The following VPS13C variants were observed in gnomAD, a reference collection of about 807,000 sequenced individuals.
VPS13C encodes vacuolar protein sorting 13 homolog C, also known as intermembrane lipid transfer protein VPS13C.
Under a neutral mutation model 456.8 loss-of-function variants are expected in VPS13C, and 358 were observed. That is an observed-to-expected ratio of 0.78 (90% CI 0.72 to 0.86). The LOEUF is 0.86. Among genes scored for constraint, VPS13C ranks in the 40% least tolerant of loss-of-function variants. The pLI, the probability that VPS13C is intolerant of heterozygous loss-of-function variation, is 0.00. For synonymous variants in VPS13C, 1,578 were observed against 1,486.7 expected (o/e 1.06, Z -1.41); for missense variants, 4,818 against 4,385.4 (o/e 1.10, Z -2.79).
intron 8 of VPS13C, among the ~76,000 whole-genome samples, chr15:62,021,212 T>C (rs1240158477): frequency 6.6e-6 from 1 of 151,832 alleles, no homozygotes; most frequent in Non-Finnish European, 1.5e-5. Flanking sequence ...TTATGGGTGA[T>C]GGAGACACTA....
intron 52 of VPS13C, among the ~76,000 whole-genome samples, chr15:61,926,303 G>A (rs1420272797): frequency 6.6e-6 from 1 of 152,210 alleles, no homozygotes; most frequent in East Asian, 1.9e-4. Context: ...AGGAGGCTGA[G>A]GCAGAAGGAT....
In VPS13C at chr15:62,023,766, C is replaced by G; in HGVS notation, c.514+14G>C. ...GTATAAACAACACCATGGCATAAAA[C>G]TACTTTTACCTACCTTTTGAACGAT... is the stretch of plus-strand genomic sequence containing the variant. On this transcript the variant is annotated intron_variant, in intron 7 of 84. Transcript: ENST00000644861. The G allele has an allele frequency of 6.2e-7, 1 of 1,604,988 alleles. No homozygotes were observed. Among genetic ancestry groups the G allele is most frequent in the Non-Finnish European group, 8.5e-7 (1 of 1,174,248 alleles).
Position 61,969,431 on chromosome 15 carries a change from G to T in VPS13C, c.2779C>A (p.Gln927Lys), listed in dbSNP as rs767990486. 1.3e-6 allele frequency: 2 copies of T among 1,547,350 alleles called. No individual in the cohort carries two copies. The highest frequency in any genetic ancestry group is 1.7e-6 in the Non-Finnish European group (2 of 1,144,944). ...IKEVILEFTK[Q>K]QKEEDTILVF... ...AGAATTGTATCTTCTTCTTTCTGCT[G>T]TTTAGTAAATTCCAAAATCACCTAA... The change falls in exon 28 of 85, where the codon CAG becomes AAG. Residue 927 changes from glutamine to lysine, a missense_variant. Physicochemically the swap from Gln to Lys is moderately conservative, Grantham distance 53. This residue lies in a region of VPS13C where 4,552 missense variants were observed against 4,130.6 expected (regional missense o/e 1.10). Coordinates refer to ENST00000644861, the MANE Select transcript of VPS13C (RefSeq NM_020821.3).
chr15:61,925,189 CCCA>C (rs1337285932), intron 53 of VPS13C, among the ~76,000 whole-genome samples: 1 of 151,866 alleles, frequency 6.6e-6, no homozygotes, highest in Non-Finnish European at 1.5e-5. Context: ...CAACTCAACC[CCCA>C]CAACACACGC....
chr15:61,973,526 A>G lies in VPS13C; in HGVS notation c.2545T>C (p.Ser849Pro), dbSNP rs2045617317. 2 of 1,611,550 alleles carry G rather than the reference A, an allele frequency of 1.2e-6. No homozygotes were observed. Among genetic ancestry groups the G allele is most frequent in the South Asian group, 1.1e-5 (1 of 91,012 alleles). ...SAQSPERQVS[S>P]IPIISGGTKG... The stretch of plus-strand genomic sequence containing the variant: ...GTACCACCTGAAATAATAGGAATTG[A>G]GGATACCTAGCAAAGAATACAAAAA... The change falls in exon 26 of 85, where the codon TCA (serine) becomes CCA (proline). Residue 849 changes from serine (S) to proline (P), a missense_variant. Around this residue, in one of 3 missense-constraint regions of VPS13C, gnomAD observed 4,552 missense variants for 4,130.6 expected, o/e 1.10. Transcript: ENST00000644861.
intron 66 of VPS13C, among the ~76,000 whole-genome samples, chr15:61,897,952 A>T (rs1596306909): frequency 6.6e-6 from 1 of 152,334 alleles, no homozygotes; most frequent in Admixed American, 6.5e-5. Context: ...AATATTCAAC[A>T]TTCTTGAAGA....
intron 2 of VPS13C, 46 bp downstream of exon 2, chr15:62,044,166 C>T (rs1175041165): frequency 7.4e-7 from 1 of 1,360,168 alleles, no homozygotes; most frequent in Non-Finnish European, 1.0e-6. Context: ...TTTCTAAGAA[C>T]TTACCAAATT....
chr15:61,911,070 A>C (rs2043289235), intron 63 of VPS13C, among the ~76,000 whole-genome samples: 1 of 152,134 alleles, frequency 6.6e-6, no homozygotes, highest in Non-Finnish European at 1.5e-5. Context: ...TTTGCCAAAT[A>C]TTTCTTAAGT....
At chr15:62,058,511 A>G (rs2048876853) in intron 1 of VPS13C, among the ~76,000 whole-genome samples, 1 of 152,240 alleles carries the variant, frequency 6.6e-6, no homozygotes, top group Non-Finnish European at 1.5e-5. Context: ...ATTAAAAAAC[A>G]ACAGAACAAC....
At chr15:61,997,898 T>A (rs80317983) in intron 16 of VPS13C, among the ~76,000 whole-genome samples, 1 of 152,220 alleles carries the variant, frequency 6.6e-6, no homozygotes, top group Non-Finnish European at 1.5e-5. Context: ...TTAAAACTTA[T>A]GCCAGATCAT....
At chr15:61,895,715 T>A (rs967724852) in intron 66 of VPS13C, among the ~76,000 whole-genome samples, 2 of 152,142 alleles carry the variant, frequency 1.3e-5, no homozygotes, top group Non-Finnish European at 1.5e-5. Context: ...GAAAGTTAAA[T>A]ACTGCACATT....
chr15:62,037,884 C>T (rs891530181), intron 3 of VPS13C, among the ~76,000 whole-genome samples: 9 of 151,840 alleles, frequency 5.9e-5, no homozygotes, highest in African/African-American at 1.9e-4. Flanking sequence ...TATCCTGTTT[C>T]GAGACAAAAA....
intron 61 of VPS13C, among the ~76,000 whole-genome samples, chr15:61,913,759 C>T (rs1417933374): frequency 6.6e-6 from 1 of 152,102 alleles, no homozygotes; most frequent in African/African-American, 2.4e-5. Flanking sequence ...ATAGAGCTAA[C>T]AAATTTTTAA....
At chr15:61,988,204 A>C (rs1207503245) in intron 18 of VPS13C, among the ~76,000 whole-genome samples, 1 of 152,238 alleles carries the variant, frequency 6.6e-6, no homozygotes, top group Non-Finnish European at 1.5e-5. Flanking sequence ...CAAAAGAAGA[A>C]AAATGACTGG....
chr15:61,957,761 A>G (rs1475076356), intron 37 of VPS13C, among the ~76,000 whole-genome samples: 7 of 152,146 alleles, frequency 4.6e-5, no homozygotes, highest in Non-Finnish European at 1.0e-4. Flanking sequence ...AGGATATTCA[A>G]TGCAACATGG....
chr15:61,937,159 GTC>G (rs771910167), intron 47 of VPS13C, among the ~76,000 whole-genome samples: 2 of 152,124 alleles, frequency 1.3e-5, no homozygotes, highest in African/African-American at 2.4e-5. Context: ...TCAGTTTCTA[GTC>G]TCTACCAAAT....
At chr15:61,973,963 G>A (rs963801739) in intron 25 of VPS13C, among the ~76,000 whole-genome samples, 1 of 151,948 alleles carries the variant, frequency 6.6e-6, no homozygotes, top group Non-Finnish European at 1.5e-5. Context: ...CCATGAGCTG[G>A]CTTTATCAAA....
chr15:62,000,560 T>C lies in VPS13C; in HGVS notation c.1353+4A>G, dbSNP rs2046574550. On this transcript the variant is annotated splice_donor_region_variant and intron_variant, in intron 16 of 84. Transcript: ENST00000644861. ...ACATAAAATCAGCTAATAAAAATGA[T>C]TACCTCAACTTGTGCTTGTTGCCTT... The C allele has an allele frequency of 6.2e-7, 1 of 1,604,556 alleles. No homozygotes were observed. The highest frequency in any genetic ancestry group is 1.7e-5 in the Admixed American group (1 of 58,758).
intron 47 of VPS13C, among the ~76,000 whole-genome samples, chr15:61,937,631 C>T (rs1345177061): frequency 8.5e-5 from 13 of 152,164 alleles, no homozygotes; most frequent in African/African-American, 1.4e-4. Context: ...CCCGCCACCA[C>T]GCCCGGCTAA....
Sources: gnomAD v4.1 joint callset for allele counts (sites outside exome capture counted in the v4.1 genomes callset) on GRCh38, gnomAD v4.1.1 for gene constraint, gnomAD v4.1.1 regional missense constraint, MANE v1.5 for transcripts, NCBI Gene and HGNC (gene_info 2026-07-23, HGNC 2026-07-21) for gene names.